Variants in GLG1 observed in about 807,000 individuals in gnomAD.
The protein encoded by GLG1 is Golgi apparatus protein 1.
GLG1 carries 38 observed loss-of-function variants against 160.5 expected under a neutral mutation model. The ratio of observed to expected loss-of-function variants is 0.24; its 90% CI spans 0.18 to 0.31. GLG1 has a LOEUF of 0.31. GLG1 is among the 10% of genes least tolerant of loss of function. The pLI is 1.00. For missense variants in GLG1, 1,373 were observed against 1,505.2 expected (o/e 0.91, Z 1.45); for synonymous variants, 644 against 543.4 (o/e 1.19, Z -2.57).
chr16:74,448,231 T>A lies in GLG1; in HGVS notation c.*4936A>T, dbSNP rs1283066949. On this transcript the variant is annotated 3_prime_UTR_variant, in exon 26 of 26. Transcript: ENST00000422840. ...CCAAGAAGGGGTGCAGTTAGAGGGA[T>A]GAGCAACCAAAGACCAATGGGAGGG... The A allele has an allele frequency of 1.3e-5, 2 of 152,260 alleles. No individual in the cohort carries two copies. Among genetic ancestry groups the A allele is most frequent in the African/African-American group, 4.8e-5 (2 of 41,426 alleles). The allele number at this position is 152,260 out of a possible 1,614,324, so 9.4% of individuals were successfully genotyped here.
At chr16:74,542,742 G>GAAGGAAGGAAGGAAGGAAGGA (rs2017919324) in intron 1 of GLG1, among the ~76,000 whole-genome samples, 1 of 6,910 alleles carries the variant, frequency 1.4e-4, no homozygotes, top group Admixed American at 8.5e-4. Context: ...AGGGAGGAAG[G>GAAGGAAGGAAGGAAGGAAGGA]AAGGAAGGAA....
At chr16:74,460,872 C>T (rs989930202) in intron 22 of GLG1, among the ~76,000 whole-genome samples, 2 of 152,228 alleles carry the variant, frequency 1.3e-5, no homozygotes, top group Non-Finnish European at 2.9e-5. Context: ...GAAAAGCAAA[C>T]GCTTGACATT....
chr16:74,504,719 T>C (rs1000288237), intron 3 of GLG1, among the ~76,000 whole-genome samples: 2 of 152,192 alleles, frequency 1.3e-5, no homozygotes, highest in East Asian at 3.8e-4. Flanking sequence ...TTTAAAATAA[T>C]GTTCAGTGCA....
chr16:74,509,145 C>G (rs1413535997), intron 2 of GLG1, among the ~76,000 whole-genome samples: 1 of 140,900 alleles, frequency 7.1e-6, no homozygotes, highest in Admixed American at 7.2e-5. Flanking sequence ...ATATTTTTGT[C>G]GTTTTTACTA....
At chr16:74,459,595 C>G in intron 23 of GLG1, 87 bp downstream of exon 23, 1 of 718,286 alleles carries the variant, frequency 1.4e-6, no homozygotes, top group East Asian at 2.7e-5. Context: ...GGTTTTATTA[C>G]CAAGGTAGGC....
intron 1 of GLG1, among the ~76,000 whole-genome samples, chr16:74,588,590 TG>T (rs1288229381): frequency 6.6e-6 from 1 of 152,062 alleles, no homozygotes; most frequent in Admixed American, 6.6e-5. Flanking sequence ...GACTAATTTT[TG>T]TATGTTTTGT....
chr16:74,524,920 T>G (rs924112591), intron 2 of GLG1, among the ~76,000 whole-genome samples: 3 of 152,232 alleles, frequency 2.0e-5, no homozygotes, highest in Admixed American at 1.3e-4. Flanking sequence ...TGTCTTTGTG[T>G]CCTTTTTGTG....
At chr16:74,502,726 T>G (rs1172206338) in intron 4 of GLG1, among the ~76,000 whole-genome samples, 30 of 136,090 alleles carry the variant, frequency 2.2e-4, no homozygotes, top group Non-Finnish European at 4.7e-4. Context: ...TTTTTGGTTT[T>G]TTTTTTTTTT....
intron 2 of GLG1, among the ~76,000 whole-genome samples, chr16:74,519,791 C>T (rs2017101542): frequency 6.6e-6 from 1 of 152,122 alleles, no homozygotes; most frequent in African/African-American, 2.4e-5. Context: ...AAACTACATG[C>T]TTAAACTGTC....
intron 11 of GLG1, among the ~76,000 whole-genome samples, chr16:74,479,600 T>A (rs900504633): frequency 2.6e-5 from 4 of 152,116 alleles, no homozygotes; most frequent in African/African-American, 9.7e-5. Context: ...GAAGGGGTAT[T>A]TCTAAGGATG....
chr16:74,565,436 T>C (rs2018628874), intron 1 of GLG1, among the ~76,000 whole-genome samples: 1 of 152,228 alleles, frequency 6.6e-6, no homozygotes, highest in Non-Finnish European at 1.5e-5. Context: ...GCCTAAAGAT[T>C]TCTCAGTACA....
At chr16:74,564,021 C>CA (rs1216936515) in intron 1 of GLG1, among the ~76,000 whole-genome samples, 1 of 152,168 alleles carries the variant, frequency 6.6e-6, no homozygotes, top group Non-Finnish European at 1.5e-5. Flanking sequence ...CTTCTGGGCT[C>CA]AAGTGATCCT....
chr16:74,554,227 G>C (rs1961631191), intron 1 of GLG1, among the ~76,000 whole-genome samples: 2 of 152,194 alleles, frequency 1.3e-5, no homozygotes, highest in Non-Finnish European at 2.9e-5. Context: ...ATTTAAGACA[G>C]GATTTCCTCA....
intron 19 of GLG1, among the ~76,000 whole-genome samples, chr16:74,465,441 T>A (rs950954087): frequency 6.6e-6 from 1 of 152,118 alleles, no homozygotes; most frequent in African/African-American, 2.4e-5. Flanking sequence ...TGAGCCTGCA[T>A]CAGAACCCCC....
intron 19 of GLG1, among the ~76,000 whole-genome samples, 153 bp from the exon 20 acceptor site, chr16:74,463,632 G>T (rs531622523): frequency 2.0e-5 from 3 of 152,026 alleles, no homozygotes; most frequent in Non-Finnish European, 4.4e-5. Flanking sequence ...TCCGCCTCCC[G>T]AGTTCAAGCG....
chr16:74,577,319 C>G (rs1052230681), intron 1 of GLG1, among the ~76,000 whole-genome samples: 1 of 151,942 alleles, frequency 6.6e-6, no homozygotes, highest in Non-Finnish European at 1.5e-5. Context: ...GTCAGGAGTT[C>G]GAGATCAGGC....
intron 1 of GLG1, among the ~76,000 whole-genome samples, chr16:74,587,557 T>C (rs1958080858): frequency 6.6e-6 from 1 of 152,166 alleles, no homozygotes. Context: ...ATGATGGAAT[T>C]AGCACATGAG....
At chr16:74,462,060 T>C (rs2014818591) in intron 22 of GLG1, 34 bp downstream of exon 22, 4 of 1,084,256 alleles carry the variant, frequency 3.7e-6, no homozygotes, top group Admixed American at 1.8e-5. Context: ...TCTGAGCAGC[T>C]CTGTGCGTAA....
At chr16:74,555,952 G>A (rs1285707939) in intron 1 of GLG1, among the ~76,000 whole-genome samples, 4 of 150,574 alleles carry the variant, frequency 2.7e-5, no homozygotes, top group African/African-American at 9.8e-5. Context: ...CAATCCTCCC[G>A]CCTCAGCTTC....
Sources: allele counts gnomAD v4.1 joint callset (sites outside exome capture counted in the v4.1 genomes callset), GRCh38; gene constraint gnomAD v4.1.1; transcripts MANE v1.5; gene names NCBI Gene and HGNC (gene_info 2026-07-23, HGNC 2026-07-21).